NRXN3: variants seen among roughly 807,000 people sequenced by gnomAD.
NRXN3 encodes neurexin 3.
NRXN3 carries 32 observed loss-of-function variants against 137.6 expected under a neutral mutation model. The ratio of observed to expected loss-of-function variants is 0.23; its 90% confidence interval spans 0.18 to 0.31. The LOEUF (loss-of-function observed/expected upper bound fraction) is 0.31, where lower values mean the gene tolerates loss of function less well. Among genes scored for constraint, NRXN3 ranks in the 10% least tolerant of loss-of-function variants. The pLI is 1.00. For synonymous variants in NRXN3, 798 were observed against 784.5 expected (o/e 1.02, Z -0.29); for missense variants, 1,574 against 2,062.5 (o/e 0.76, Z 4.59).
At chr14:78,837,346 T>C (rs907714530) in intron 10 of NRXN3, among the ~76,000 whole-genome samples, 1 of 152,166 alleles carries the variant, frequency 6.6e-6, no homozygotes, top group African/African-American at 2.4e-5. Flanking sequence ...TTAAAATGTT[T>C]ATTGATTTGG....
intron 8 of NRXN3, among the ~76,000 whole-genome samples, chr14:78,763,409 G>A (rs926556024): frequency 2.3e-4 from 35 of 152,064 alleles, no homozygotes; most frequent in African/African-American, 8.5e-4. Flanking sequence ...GTAAGCATTT[G>A]AGATAATAGG....
intron 4 of NRXN3, chr14:78,403,665 G>T: frequency 9.4e-6 from 9 of 960,982 alleles, no homozygotes; most frequent in Non-Finnish European, 1.1e-5. Context: ...GCAAAATCAC[G>T]AACACCGAGG....
intron 4 of NRXN3, among the ~76,000 whole-genome samples, chr14:78,402,560 C>T (rs967140601): frequency 6.6e-6 from 1 of 152,136 alleles, no homozygotes; most frequent in Admixed American, 6.5e-5. Context: ...AGTGGAATCA[C>T]ACATAAATGG....
intron 15 of NRXN3, among the ~76,000 whole-genome samples, chr14:79,192,247 G>A (rs1029558276): frequency 1.3e-5 from 2 of 152,090 alleles, no homozygotes; most frequent in Non-Finnish European, 2.9e-5. Flanking sequence ...TTTGATTCTT[G>A]TTCTGTAAAA....
intron 4 of NRXN3, among the ~76,000 whole-genome samples, chr14:78,508,917 A>G (rs1464488913): frequency 6.6e-6 from 1 of 152,216 alleles, no homozygotes; most frequent in East Asian, 1.9e-4. Context: ...TTCATAGAGC[A>G]TGAGCAATAT....
chr14:79,770,728 A>G (rs2099074683), intron 19 of NRXN3, among the ~76,000 whole-genome samples: 1 of 150,692 alleles, frequency 6.6e-6, no homozygotes, highest in African/African-American at 2.4e-5. Context: ...GAAAAGCAAG[A>G]GCAAACACAT....
At chr14:78,224,310 A>G (rs987939617) in intron 1 of NRXN3, among the ~76,000 whole-genome samples, 2 of 151,714 alleles carry the variant, frequency 1.3e-5, no homozygotes, top group African/African-American at 4.8e-5. Context: ...GTTTTAGGGT[A>G]TATGTGCACA....
At chr14:79,513,287 T>G (rs2096950415) in intron 16 of NRXN3, among the ~76,000 whole-genome samples, 1 of 142,596 alleles carries the variant, frequency 7.0e-6, no homozygotes, top group Non-Finnish European at 1.5e-5. Flanking sequence ...ACATTTTATT[T>G]GTTGGTTTTA....
chr14:79,399,933 G>A (rs917067211), intron 15 of NRXN3, among the ~76,000 whole-genome samples: 1 of 152,098 alleles, frequency 6.6e-6, no homozygotes, highest in Non-Finnish European at 1.5e-5. Context: ...TTGGCTTTTA[G>A]CAGCGTCACT....
intron 16 of NRXN3, among the ~76,000 whole-genome samples, chr14:79,640,444 T>G (rs1291681684): frequency 1.5e-5 from 2 of 135,926 alleles, no homozygotes; most frequent in Admixed American, 7.7e-5. Flanking sequence ...TCTTGACCAC[T>G]ACCAAGAAAC....
chr14:78,522,410 T>A (rs938348874), intron 4 of NRXN3, among the ~76,000 whole-genome samples: 1 of 152,116 alleles, frequency 6.6e-6, no homozygotes, highest in South Asian at 2.1e-4. Context: ...GTTGAAAGAG[T>A]CATTTTTATT....
chr14:78,315,567 G>T (rs370741762), intron 4 of NRXN3, among the ~76,000 whole-genome samples: 2 of 152,172 alleles, frequency 1.3e-5, no homozygotes, highest in Non-Finnish European at 2.9e-5. Context: ...AACAAGCTGC[G>T]TTTATGTATA....
chr14:78,812,544 A>G (rs2098917428), intron 10 of NRXN3, among the ~76,000 whole-genome samples: 1 of 152,212 alleles, frequency 6.6e-6, no homozygotes, highest in Non-Finnish European at 1.5e-5. Flanking sequence ...CATGAAGTCA[A>G]TCCCATATAT....
intron 6 of NRXN3, among the ~76,000 whole-genome samples, chr14:78,691,859 C>T (rs971993444): frequency 6.6e-6 from 1 of 152,036 alleles, no homozygotes; most frequent in Non-Finnish European, 1.5e-5. Context: ...AGAGTTGACT[C>T]ATTATGTCAG....
intron 16 of NRXN3, among the ~76,000 whole-genome samples, chr14:79,522,509 T>G (rs1380517866): frequency 6.6e-6 from 1 of 152,170 alleles, no homozygotes; most frequent in Non-Finnish European, 1.5e-5. Context: ...TACCTTCCAA[T>G]GTAGCAGGAG....
rs199562479 is a variant in NRXN3 at position 78,873,183 on chromosome 14, C to CT, written c.2275+62845dup. ...TTCTCTGTAAAAACTTAGCTTTCCACTTTTTTCTGTCCTACTGTCAATTAC... is the reference window on the plus strand; with the variant it reads ...TTCTCTGTAAAAACTTAGCTTTCCACTTTTTTTCTGTCCTACTGTCAATTAC... On this transcript the variant is annotated intron_variant, in intron 10 of 20. Transcript: ENST00000335750. Among the ~76,000 whole-genome samples, 1,269 of 152,300 alleles carry CT rather than the reference C, an allele frequency of 8.3e-3. 9 individuals carry two copies. Among genetic ancestry groups the CT allele is most frequent in the Non-Finnish European group, 0.012 (842 of 68,030 alleles).
intron 4 of NRXN3, among the ~76,000 whole-genome samples, chr14:78,594,284 G>A (rs953191353): frequency 6.6e-6 from 1 of 152,218 alleles, no homozygotes; most frequent in Admixed American, 6.5e-5. Context: ...GAGGGGTGCT[G>A]CAGACCTCAT....
chr14:79,242,417 C>T (rs532961580), intron 15 of NRXN3, among the ~76,000 whole-genome samples: 2 of 152,156 alleles, frequency 1.3e-5, no homozygotes, highest in Non-Finnish European at 2.9e-5. Flanking sequence ...AGCCTAGAAT[C>T]TTCACTGTCT....
At chr14:78,424,228 T>C (rs955680075) in intron 4 of NRXN3, among the ~76,000 whole-genome samples, 4 of 152,238 alleles carry the variant, frequency 2.6e-5, no homozygotes, top group African/African-American at 4.8e-5. Context: ...GCCTCTGGCC[T>C]GCAGTGGGCA....
Sources: gnomAD v4.1 joint callset for allele counts (sites outside exome capture counted in the v4.1 genomes callset) on GRCh38, gnomAD v4.1.1 for gene constraint, MANE v1.5 for transcripts, NCBI Gene and HGNC (gene_info 2026-07-23, HGNC 2026-07-21) for gene names.